CORIN: variants seen among roughly 807,000 people sequenced by gnomAD.
CORIN encodes atrial natriuretic peptide-converting enzyme.
A neutral mutation model predicts 125.3 loss-of-function variants in CORIN; 117 were observed. The observed-to-expected ratio is 0.93, with a 90% CI of 0.80 to 1.09. The LOEUF (loss-of-function observed/expected upper bound fraction) is 1.09, where lower values mean the gene tolerates loss of function less well. Among genes scored for constraint, CORIN ranks in the 50% least tolerant of loss-of-function variants. The pLI is 0.00. For missense variants in CORIN, 1,253 were observed against 1,306.7 expected (o/e 0.96, Z 0.63); for synonymous variants, 450 against 466.4 (o/e 0.96, Z 0.45).
chr4:47,837,712 C>T (rs192013210), intron 1 of CORIN, among the ~76,000 whole-genome samples, 175 bp downstream of exon 1: 7 of 152,248 alleles, frequency 4.6e-5, no homozygotes, highest in African/African-American at 1.7e-4. Flanking sequence ...CGCCTGGGAA[C>T]TGGGTGCAGG....
chr4:47,683,675 G>T, intron 7 of CORIN, 56 bp downstream of exon 7: 2 of 1,265,126 alleles, frequency 1.6e-6, no homozygotes, highest in Non-Finnish European at 2.3e-6. Context: ...GTAAGTTTTT[G>T]GTTATAAATT....
chr4:47,678,035 C>A lies in CORIN; in HGVS notation c.1152G>T (p.Leu384=). Residue 384 remains leucine (L), a synonymous_variant, in exon 9 of 22, where the codon CTG becomes CTT. Transcript: ENST00000273857. ...TACATTGTCCATTTCTGCATTCCAC[C>A]AGACCCTGGCTGTGACAGGCTAGGA... is the stretch of plus-strand genomic sequence containing the variant. The part of the protein sequence containing the change: ...EVNCSCHSQG[L]VECRNGQCIP... The A allele has an allele frequency of 6.2e-7, 1 of 1,613,762 alleles. No homozygotes were observed. The highest frequency in any genetic ancestry group is 1.1e-5 in the South Asian group (1 of 91,040).
At chr4:47,732,281 G>T (rs1477054206) in intron 5 of CORIN, among the ~76,000 whole-genome samples, 3 of 152,164 alleles carry the variant, frequency 2.0e-5, no homozygotes, top group African/African-American at 7.2e-5. Flanking sequence ...GGCAAAGAGT[G>T]CTACGAATGA....
intron 5 of CORIN, among the ~76,000 whole-genome samples, chr4:47,700,444 T>C (rs184525951): frequency 6.6e-6 from 1 of 152,170 alleles, no homozygotes; most frequent in African/African-American, 2.4e-5. Flanking sequence ...AGTAAATTCA[T>C]ACTTCCCCAC....
At chr4:47,603,355 G>C in intron 20 of CORIN, 42 bp downstream of exon 20, 1 of 1,582,462 alleles carries the variant, frequency 6.3e-7, no homozygotes, top group Non-Finnish European at 8.6e-7. Flanking sequence ...TCTCAGGTAT[G>C]TGCTTATAGC....
At chr4:47,727,877 A>T (rs1164256548) in intron 5 of CORIN, among the ~76,000 whole-genome samples, 1 of 152,188 alleles carries the variant, frequency 6.6e-6, no homozygotes, top group African/African-American at 2.4e-5. Context: ...GTAGATATTA[A>T]TTTAAAATTG....
At chr4:47,826,890 T>C (rs4695281) in intron 1 of CORIN, among the ~76,000 whole-genome samples, 4,836 of 152,238 alleles carry the variant, frequency 0.032, 287 homozygotes, top group African/African-American at 0.11. Flanking sequence ...AACTGAGAAA[T>C]GCTATAAGGG....
chr4:47,600,365 A>T lies in CORIN; in HGVS notation c.2813-18T>A. On this transcript the variant is annotated intron_variant, in intron 20 of 21. Coordinates refer to ENST00000273857, the MANE Select transcript of CORIN (RefSeq NM_006587.4). The stretch of plus-strand genomic sequence containing the variant: ...AAATGGCACTGAATTTTTAAAAAAT[A>T]AGAATATATATATGATGATAAAATG... 1 of 1,587,654 alleles carries T rather than the reference A, an allele frequency of 6.3e-7. No individual in the cohort carries two copies. Among genetic ancestry groups the T allele is most frequent in the Non-Finnish European group, 8.6e-7 (1 of 1,163,350 alleles).
chr4:47,723,419 C>G (rs994930266), intron 5 of CORIN, among the ~76,000 whole-genome samples: 2 of 152,114 alleles, frequency 1.3e-5, no homozygotes, highest in African/African-American at 4.8e-5. Context: ...AAGTAAGCAA[C>G]AATGTAATCC....
chr4:47,595,906 G>A lies in CORIN; in HGVS notation c.2947-3C>T, dbSNP rs1243584737. ...ACAAGAGGCCCACCGCTGTCACCCT[G>A]CAATAAGTAACGATGGGAGTTAGGA... is the stretch of plus-strand genomic sequence containing the variant. On this transcript the variant is annotated splice_polypyrimidine_tract_variant and splice_region_variant and intron_variant, in intron 21 of 21. Transcript: ENST00000273857. 6.2e-7 allele frequency: 1 copy of A among 1,605,348 alleles called. No individual in the cohort carries two copies.
intron 17 of CORIN, among the ~76,000 whole-genome samples, chr4:47,625,242 A>C (rs1722505486): frequency 6.6e-6 from 1 of 152,150 alleles, no homozygotes; most frequent in African/African-American, 2.4e-5. Context: ...CTTGGCATTA[A>C]AGAAATACTT....
chr4:47,837,771 A>C, intron 1 of CORIN, 116 bp downstream of exon 1: 45 of 900,700 alleles, frequency 5.0e-5, no homozygotes, highest in East Asian at 4.9e-5. Context: ...CGGCTGGGGA[A>C]GGAGGTGGCA....
chr4:47,730,956 G>A (rs555584004), intron 5 of CORIN, among the ~76,000 whole-genome samples: 82 of 152,358 alleles, frequency 5.4e-4, no homozygotes, highest in African/African-American at 1.9e-3. Context: ...TAATGAGGCT[G>A]GAAGGATAAT....
In CORIN at chr4:47,795,209, G is replaced by C. The variant is rs564129424; in HGVS notation, c.209-8284C>G. Reference sequence around the variant, plus strand: ...TTGCTGTAGCCTCATAATATAGTTTGAAATCAGCACATTTGATGCCTCTAT... The same window carrying C: ...TTGCTGTAGCCTCATAATATAGTTTCAAATCAGCACATTTGATGCCTCTAT... On this transcript the variant is annotated intron_variant, in intron 2 of 21. Transcript: ENST00000273857. Among the ~76,000 whole-genome samples, 9 of 152,206 alleles carry C rather than the reference G, an allele frequency of 5.9e-5. No homozygotes were observed. The East Asian group carries it at 1.7e-3, about 29-fold the overall frequency.
At chr4:47,831,196 G>C (rs1271327102) in intron 1 of CORIN, among the ~76,000 whole-genome samples, 1 of 152,214 alleles carries the variant, frequency 6.6e-6, no homozygotes, top group Non-Finnish European at 1.5e-5. Context: ...CACTGCATTT[G>C]TCACCACCAG....
Position 47,684,152 on chromosome 4 carries a change from AGTTCTT to A in CORIN, c.914-320_914-315del, listed in dbSNP as rs148040550. On this transcript the variant is annotated intron_variant, in intron 6 of 21. Transcript: ENST00000273857. ...CTCAGTTCACCATCATTCCTAATGA[AGTTCTT>A]GTTCATGCAGAATAGACTTTAGTAA... Among the ~76,000 whole-genome samples, 546 of 152,366 alleles carry A rather than the reference AGTTCTT, an allele frequency of 3.6e-3. 4 individuals carry two copies. The highest frequency in any genetic ancestry group is 0.013 in the African/African-American group (525 of 41,584).
intron 4 of CORIN, among the ~76,000 whole-genome samples, chr4:47,758,076 G>C (rs1367255570): frequency 6.6e-6 from 1 of 151,492 alleles, no homozygotes; most frequent in East Asian, 1.9e-4. Flanking sequence ...ACTATGCCTG[G>C]CTAATTTTTT....
chr4:47,705,981 AATAACT>A (rs1234897498), intron 5 of CORIN, among the ~76,000 whole-genome samples: 7 of 152,250 alleles, frequency 4.6e-5, no homozygotes, highest in Admixed American at 3.3e-4. Flanking sequence ...CTCATAAACC[AATAACT>A]ATGTTATTTG....
chr4:47,722,494 C>T (rs532770082), intron 5 of CORIN, among the ~76,000 whole-genome samples: 15 of 152,212 alleles, frequency 9.9e-5, no homozygotes, highest in African/African-American at 3.4e-4. Flanking sequence ...ATCTGGAGTT[C>T]CAAACACATA....
Sources: allele counts gnomAD v4.1 joint callset (sites outside exome capture counted in the v4.1 genomes callset), GRCh38; gene constraint gnomAD v4.1.1; transcripts MANE v1.5; gene names NCBI Gene and HGNC (gene_info 2026-07-23, HGNC 2026-07-21).